Variants in C10orf67 observed in about 807,000 individuals in gnomAD.
C10orf67 encodes uncharacterized protein C10orf67, mitochondrial.
A neutral mutation model predicts 35.6 loss-of-function variants in C10orf67; 60 were observed. The ratio of observed to expected loss-of-function variants is 1.68; its 90% confidence interval spans 1.37 to 2.09. C10orf67 has a LOEUF of 2.09. C10orf67 is among the 30% of genes most tolerant of loss of function. The probability of loss-of-function intolerance (pLI) is 0.00; values close to 1 mark genes in which losing one functional copy is unlikely to be tolerated. For missense variants in C10orf67, 474 were observed against 330.2 expected (o/e 1.44, Z -3.38); for synonymous variants, 167 against 115.8 (o/e 1.44, Z -2.84).
At chr10:23,229,327 A>G (rs1841839290) in intron 13 of C10orf67, among the ~76,000 whole-genome samples, 3 of 151,308 alleles carry the variant, frequency 2.0e-5, no homozygotes, top group Admixed American at 6.6e-5. Context: ...GCAAACTATC[A>G]CAAGGACAAA....
intron 15 of C10orf67, among the ~76,000 whole-genome samples, chr10:23,220,588 T>C (rs185689091): frequency 5.9e-5 from 9 of 152,290 alleles, no homozygotes; most frequent in Admixed American, 4.6e-4. Context: ...GTGAAAATAA[T>C]TGAGTGGGGA....
chr10:23,288,523 A>C (rs112696591), intron 7 of C10orf67, among the ~76,000 whole-genome samples: 190 of 152,290 alleles, frequency 1.2e-3, no homozygotes, highest in African/African-American at 4.4e-3. Context: ...AGGTGCAACA[A>C]ACCACCATGG....
chr10:23,292,327 G>T (rs1843747207), intron 5 of C10orf67, among the ~76,000 whole-genome samples: 2 of 150,218 alleles, frequency 1.3e-5, no homozygotes, highest in Non-Finnish European at 1.5e-5. Context: ...ATACTTTATT[G>T]TGGTATGATA....
chr10:23,297,422 A>G (rs537962606), intron 5 of C10orf67, among the ~76,000 whole-genome samples: 124 of 152,236 alleles, frequency 8.1e-4, no homozygotes, highest in African/African-American at 3.0e-3. Context: ...ATGGAGGACT[A>G]GGTAAGCATA....
intron 3 of C10orf67, among the ~76,000 whole-genome samples, chr10:23,321,372 A>T (rs1185649584): frequency 6.6e-6 from 1 of 152,196 alleles, no homozygotes; most frequent in East Asian, 1.9e-4. Context: ...TCTAAAAAAA[A>T]TTTGTTTTTT....
intron 15 of C10orf67, among the ~76,000 whole-genome samples, chr10:23,219,308 A>G (rs1564457877): frequency 6.6e-6 from 1 of 152,180 alleles, no homozygotes. Context: ...CCACTTAAAG[A>G]GTCACTGTTA....
At chr10:23,337,080 G>T (rs915124349) in intron 1 of C10orf67, among the ~76,000 whole-genome samples, 3 of 152,064 alleles carry the variant, frequency 2.0e-5, no homozygotes, top group Non-Finnish European at 4.4e-5. Flanking sequence ...GAAAGCATCA[G>T]ATTATAACCC....
intron 1 of C10orf67, among the ~76,000 whole-genome samples, chr10:23,336,923 A>G (rs1461022011): frequency 6.6e-6 from 1 of 152,230 alleles, no homozygotes; most frequent in Non-Finnish European, 1.5e-5. Context: ...AGAAAGCAAA[A>G]GTATAAAATG....
At chr10:23,323,894 A>AATATATATATATAT (rs137983793) in intron 2 of C10orf67, among the ~76,000 whole-genome samples, 9 of 42,814 alleles carry the variant, frequency 2.1e-4, no homozygotes, top group Non-Finnish European at 4.1e-4. Context: ...ACTCCGTCTA[A>AATATATATATATAT]ATATATATAT....
chr10:23,277,156 C>A (rs1843215299), intron 8 of C10orf67, among the ~76,000 whole-genome samples: 1 of 152,130 alleles, frequency 6.6e-6, no homozygotes. Flanking sequence ...CAAGTGGACA[C>A]TGGAGTTTTT....
At chr10:23,223,922 C>T in intron 13 of C10orf67, 104 bp from the exon 14 acceptor site, 1 of 658,716 alleles carries the variant, frequency 1.5e-6, no homozygotes, top group South Asian at 1.7e-5. Context: ...GATATGGAAA[C>T]TATGCTTGTC....
At chr10:23,318,832 C>T (rs1342573837) in intron 4 of C10orf67, 2 of 753,004 alleles carry the variant, frequency 2.7e-6, no homozygotes, top group East Asian at 5.0e-5. Context: ...GGCTCCATGA[C>T]ATTACCAAGG....
chr10:23,282,061 G>A lies in C10orf67; in HGVS notation c.927C>T (p.Asp309=). The part of the protein sequence containing the change: ...KTIQKLMDSR[D]RLREELHYEK... ...CATAATGAAGCTCTTCTCTTAATCTGTCTCTACTATCCATTAACTGAAATA... is the reference window on the plus strand; with the variant it reads ...CATAATGAAGCTCTTCTCTTAATCTATCTCTACTATCCATTAACTGAAATA... Residue 309 remains aspartate (D), a synonymous_variant, in exon 8 of 16, where the codon GAC becomes GAT. Transcript: ENST00000636213. The A allele has an allele frequency of 1.6e-6, 1 of 614,630 alleles. No homozygotes were observed. The highest frequency in any genetic ancestry group is 2.9e-5 in the Admixed American group (1 of 34,756). 38.1% of individuals were successfully genotyped at this position (614,630 alleles called of 1,614,324 possible).
At chr10:23,232,405 A>G (rs1170280458) in intron 13 of C10orf67, among the ~76,000 whole-genome samples, 2 of 152,242 alleles carry the variant, frequency 1.3e-5, no homozygotes, top group African/African-American at 4.8e-5. Flanking sequence ...CTAACTATGC[A>G]ATAATTAAAA....
At chr10:23,247,111 T>C (rs1420601964) in intron 12 of C10orf67, among the ~76,000 whole-genome samples, 4 of 152,168 alleles carry the variant, frequency 2.6e-5, no homozygotes, top group African/African-American at 7.2e-5. Flanking sequence ...TAAGGCTAAT[T>C]TGTTATTGAA....
At chr10:23,278,829 A>G (rs138424971) in intron 8 of C10orf67, among the ~76,000 whole-genome samples, 15 of 152,302 alleles carry the variant, frequency 9.8e-5, no homozygotes, top group Middle Eastern at 3.4e-3. Flanking sequence ...AGAGAAATCT[A>G]CCTGCTGATT....
intron 15 of C10orf67, among the ~76,000 whole-genome samples, chr10:23,219,999 C>A (rs561746929): frequency 6.6e-6 from 1 of 151,982 alleles, no homozygotes; most frequent in African/African-American, 2.4e-5. Flanking sequence ...AAGTGAGACC[C>A]TGTCTTTACA....
chr10:23,289,022 G>T (rs1027092671), intron 7 of C10orf67, among the ~76,000 whole-genome samples: 1 of 152,150 alleles, frequency 6.6e-6, no homozygotes, highest in African/African-American at 2.4e-5. Flanking sequence ...AATGGTAACT[G>T]AGAGCCACAA....
chr10:23,339,342 C>A (rs1845797839), intron 1 of C10orf67, among the ~76,000 whole-genome samples: 1 of 121,514 alleles, frequency 8.2e-6, no homozygotes, highest in Non-Finnish European at 1.6e-5. Context: ...CCAGAGGATT[C>A]TTTGGGGTGC....
Sources: gnomAD v4.1 joint callset for allele counts (sites outside exome capture counted in the v4.1 genomes callset) on GRCh38, gnomAD v4.1.1 for gene constraint, MANE v1.5 for transcripts, NCBI Gene and HGNC (gene_info 2026-07-23, HGNC 2026-07-21) for gene names.